NLRP13: variants seen among roughly 807,000 people sequenced by gnomAD.
NLRP13 encodes the protein NACHT, LRR and PYD domains-containing protein 13.
NLRP13 carries 82 observed loss-of-function variants against 94.4 expected under a neutral mutation model. The ratio of observed to expected loss-of-function variants is 0.87; its 90% confidence interval spans 0.73 to 1.04. The LOEUF is 1.04. Among genes scored for constraint, NLRP13 ranks in the 50% least tolerant of loss-of-function variants. NLRP13 has a pLI of 0.00. For missense variants in NLRP13, 1,426 were observed against 1,230.8 expected (o/e 1.16, Z -2.37); for synonymous variants, 553 against 464.7 (o/e 1.19, Z -2.45).
chr19:55,893,672 A>G (rs533673972), downstream of NLRP13, among the ~76,000 whole-genome samples: 197 of 152,314 alleles, frequency 1.3e-3, no homozygotes, highest in African/African-American at 4.4e-3. Context: ...TGGGCAGGCC[A>G]GAGTAACTCA....
chr19:55,892,064 C>G, downstream of NLRP13: 1 of 1,227,142 alleles, frequency 8.1e-7, no homozygotes. Flanking sequence ...TCAGACAGAG[C>G]TCCTTCTGTG....
rs756024191 is a variant in NLRP13, at chr19:55,895,972, C to T, written c.3105G>A (p.Ser1035=). The change falls in exon 11 of 11, where the codon TCG becomes TCA. Residue 1035 remains serine, a synonymous_variant. Transcript: ENST00000342929. ...ACCCGAGTTTCTGCAGCCTGCATGT[C>T]GACTTTTTCAAAGCCTTACATAGCA... ...VKMLCKALKK[S]TCRLQKLG 5.1e-5 allele frequency: 82 copies of T among 1,613,880 alleles called. No homozygotes were observed. Among genetic ancestry groups the T allele is most frequent in the Middle Eastern group, 1.6e-4 (1 of 6,084 alleles).
chr19:55,905,221 A>G, intron 7 of NLRP13, 109 bp from the exon 8 acceptor site: 2 of 1,175,778 alleles, frequency 1.7e-6, no homozygotes, highest in African/African-American at 1.5e-5. Context: ...GGGAAGATTA[A>G]ATTGGAGAAA....
At chr19:55,897,113 T>C (rs1451798367) in intron 10 of NLRP13, among the ~76,000 whole-genome samples, 1 of 152,092 alleles carries the variant, frequency 6.6e-6, no homozygotes, top group East Asian at 1.9e-4. Flanking sequence ...AATTCAACAA[T>C]ACAAAATTTG....
Position 55,912,624 on chromosome 19 carries a change from T to C in NLRP13, c.1193A>G (p.His398Arg). The change falls in exon 5 of 11, where the codon CAC becomes CGC. Residue 398 changes from histidine (H) to arginine (R), a missense_variant. Coordinates refer to ENST00000342929, the MANE Select transcript of NLRP13 (RefSeq NM_176810.2). ...GDDLRVYFMR[H>R]FDDSSEVEKI... is the part of the protein sequence containing the mutation. ...CTCAACTTCACTTGAGTCATCAAAG[T>C]GTCTCATGAAATATACCCGTAGGTC... is the stretch of plus-strand genomic sequence containing the variant. 6.2e-7 allele frequency: 1 copy of C among 1,614,230 alleles called. No individual in the cohort carries two copies. Among genetic ancestry groups the C allele is most frequent in the African/African-American group, 1.3e-5 (1 of 75,066 alleles).
intron 5 of NLRP13, 110 bp from the exon 6 acceptor site, chr19:55,910,843 T>G: frequency 9.9e-7 from 1 of 1,012,126 alleles, no homozygotes; most frequent in East Asian, 2.4e-5. Context: ...ATTATAATTT[T>G]CCTAATGTGG....
chr19:55,907,859 G>C lies in NLRP13; in HGVS notation c.2380C>G (p.Leu794Val). The change falls in exon 7 of 11, where the codon CTG becomes GTG. Residue 794 changes from leucine to valine, a missense_variant. Coordinates refer to ENST00000342929, the MANE Select transcript of NLRP13 (RefSeq NM_176810.2). ...LTHLNFSSNKLGMTVPLILKA... is the reference protein window; with the variant it reads ...LTHLNFSSNKVGMTVPLILKA... Reference sequence around the variant, plus strand: ...AGAATCAGGGGGACAGTCATTCCCAGCTTGTTAGAGCTGAAGTTCAGATGG... The same window carrying C: ...AGAATCAGGGGGACAGTCATTCCCACCTTGTTAGAGCTGAAGTTCAGATGG... 6.2e-7 allele frequency: 1 copy of C among 1,613,850 alleles called. No homozygotes were observed. Among genetic ancestry groups the C allele is most frequent in the South Asian group, 1.1e-5 (1 of 91,030 alleles).
chr19:55,905,219 T>A, intron 7 of NLRP13, 107 bp from the exon 8 acceptor site: 1 of 1,181,284 alleles, frequency 8.5e-7, no homozygotes. Context: ...ATGGGAAGAT[T>A]AAATTGGAGA....
intron 1 of NLRP13, among the ~76,000 whole-genome samples, chr19:55,926,468 T>C (rs1216299035): frequency 1.3e-5 from 2 of 152,200 alleles, no homozygotes; most frequent in Non-Finnish European, 2.9e-5. Context: ...TCCTCCATTC[T>C]CTGGTGAGGC....
In NLRP13 at chr19:55,924,657, C is replaced by A. The variant is rs561628596; in HGVS notation, c.390G>T (p.Gly130=). The A allele has an allele frequency of 6.2e-7, 1 of 1,612,502 alleles. No homozygotes were observed. Among genetic ancestry groups the A allele is most frequent in the African/African-American group, 1.3e-5 (1 of 74,928 alleles). The change falls in exon 3 of 11, where the codon GGG becomes GGT. Residue 130 remains glycine, a splice_region_variant and synonymous_variant. Transcript: ENST00000342929. ...EDLEMLEAAA[G]NMQTQGCQDP... is the part of the protein sequence containing the mutation. Reference sequence around the variant, plus strand: ...CTTGGCATCCCTGGGTCTGCATATTCCCTGAAATAAACATTGACGATGAGA... The same window carrying A: ...CTTGGCATCCCTGGGTCTGCATATTACCTGAAATAAACATTGACGATGAGA...
At chr19:55,931,718 A>AGAAAGAAAGACAGAAAGAAAGAAAG in intron 1 of NLRP13, among the ~76,000 whole-genome samples, 2 of 96,032 alleles carry the variant, frequency 2.1e-5, no homozygotes, top group African/African-American at 4.1e-5. Flanking sequence ...TCAAAAAAAA[A>AGAAAGAAAGACAGAAAGAAAGAAAG]AAAAAAAGAA....
chr19:55,901,638 C>G (rs368369105), intron 9 of NLRP13, among the ~76,000 whole-genome samples: 1 of 152,092 alleles, frequency 6.6e-6, no homozygotes, highest in Non-Finnish European at 1.5e-5. Context: ...GAAGAGAAAC[C>G]TTGTCATATC....
rs761196030 is a variant in NLRP13 at position 55,895,994 on chromosome 19, A to G, written c.3083T>C (p.Leu1028Pro). The change falls in exon 11 of 11, where the codon CTA becomes CCA. Residue 1028 changes from leucine to proline, a missense_variant. Coordinates refer to ENST00000342929, the MANE Select transcript of NLRP13 (RefSeq NM_176810.2). ...NELDTDGVKM[L>P]CKALKKSTCR... The stretch of plus-strand genomic sequence containing the variant: ...TGTCGACTTTTTCAAAGCCTTACAT[A>G]GCATCTTGACACCATCAGTATCCAA... 2 of 1,614,196 alleles carry G rather than the reference A, an allele frequency of 1.2e-6. No individual in the cohort carries two copies. Among genetic ancestry groups the G allele is most frequent in the East Asian group, 4.5e-5 (2 of 44,872 alleles).
chr19:55,911,405 T>C (rs1252471681), intron 5 of NLRP13, among the ~76,000 whole-genome samples: 3 of 151,972 alleles, frequency 2.0e-5, no homozygotes, highest in African/African-American at 2.4e-5. Context: ...TAATAACCAC[T>C]CAGTCATGGA....
At chr19:55,918,210 A>G (rs1986719092) in intron 4 of NLRP13, among the ~76,000 whole-genome samples, 1 of 151,312 alleles carries the variant, frequency 6.6e-6, no homozygotes, top group Non-Finnish European at 1.5e-5. Context: ...TTTTGAAACT[A>G]ATGAAAATGG....
chr19:55,920,175 C>A (rs1172282916), intron 4 of NLRP13, among the ~76,000 whole-genome samples: 1 of 152,048 alleles, frequency 6.6e-6, no homozygotes, highest in Non-Finnish European at 1.5e-5. Context: ...TTCAAAAGCT[C>A]ACTCAAGATG....
chr19:55,913,543 C>T (rs1387983479), intron 4 of NLRP13, among the ~76,000 whole-genome samples: 25 of 28,622 alleles, frequency 8.7e-4, no homozygotes, highest in Admixed American at 5.8e-3. Flanking sequence ...AGTGAGACTC[C>T]GTCTCAAAAA....
chr19:55,920,800 C>T lies in NLRP13; in HGVS notation c.523+3114G>A, dbSNP rs139207568. On this transcript the variant is annotated intron_variant, in intron 4 of 10. Transcript: ENST00000342929. ...TCATATCATAAAGATACCTGCACTC[C>T]TGTGTTTATTGCAGCAGTATTCACA... Among the ~76,000 whole-genome samples the T allele has an allele frequency of 2.0e-3, 309 of 152,198 alleles. 2 individuals are homozygous for T. Among genetic ancestry groups the T allele is most frequent in the African/African-American group, 6.7e-3 (278 of 41,534 alleles).
At chr19:55,927,164 T>C (rs1986984403) in intron 1 of NLRP13, among the ~76,000 whole-genome samples, 1 of 151,262 alleles carries the variant, frequency 6.6e-6, no homozygotes, top group African/African-American at 2.4e-5. Context: ...AGGTCAGGAG[T>C]TTGGGACCAG....
Sources: gnomAD v4.1 joint callset for allele counts (sites outside exome capture counted in the v4.1 genomes callset) on GRCh38, gnomAD v4.1.1 for gene constraint, MANE v1.5 for transcripts, NCBI Gene and HGNC (gene_info 2026-07-23, HGNC 2026-07-21) for gene names.